PTPRG: variants seen among roughly 807,000 people sequenced by gnomAD.
PTPRG encodes protein tyrosine phosphatase receptor type G.
A neutral mutation model predicts 165.3 loss-of-function variants in PTPRG; 102 were observed. The observed-to-expected ratio is 0.62, with a 90% CI of 0.53 to 0.73. The LOEUF is 0.73. Among genes scored for constraint, PTPRG ranks in the 30% least tolerant of loss-of-function variants. The pLI is 0.00. For missense variants in PTPRG, 1,866 were observed against 1,861.4 expected (o/e 1.00, Z -0.05); for synonymous variants, 675 against 669.5 (o/e 1.01, Z -0.13).
chr3:61,595,802 G>T (rs1420761294), intron 1 of PTPRG, among the ~76,000 whole-genome samples: 1 of 152,156 alleles, frequency 6.6e-6, no homozygotes, highest in Non-Finnish European at 1.5e-5. Flanking sequence ...CAAGGGAAAA[G>T]ATTAGATAAT....
chr3:62,208,540 T>C (rs1221492019), intron 12 of PTPRG, among the ~76,000 whole-genome samples: 1 of 152,160 alleles, frequency 6.6e-6, no homozygotes, highest in Non-Finnish European at 1.5e-5. Context: ...AGTCAGGTGC[T>C]AAGGGGACAT....
intron 2 of PTPRG, among the ~76,000 whole-genome samples, chr3:61,778,436 C>A (rs144250648): frequency 6.6e-6 from 1 of 152,114 alleles, no homozygotes; most frequent in Non-Finnish European, 1.5e-5. Flanking sequence ...GAGATACTTT[C>A]AATTTTCCAT....
At chr3:62,071,246 G>C (rs904415210) in intron 4 of PTPRG, among the ~76,000 whole-genome samples, 4 of 152,140 alleles carry the variant, frequency 2.6e-5, no homozygotes, top group South Asian at 2.1e-4. Context: ...GACCATGTGT[G>C]GGGGGCACGT....
At chr3:61,672,705 C>T (rs1470119167) in intron 1 of PTPRG, among the ~76,000 whole-genome samples, 4 of 123,278 alleles carry the variant, frequency 3.2e-5, no homozygotes, top group Non-Finnish European at 5.1e-5. Flanking sequence ...AGAGGGAGAC[C>T]GTGGAAAGAG....
Position 62,203,348 on chromosome 3 carries a change from G to T in PTPRG, c.1553G>T (p.Gly518Val), listed in dbSNP as rs770692808. The T allele has an allele frequency of 6.8e-6, 11 of 1,613,294 alleles. No individual in the cohort carries two copies. The highest frequency in any genetic ancestry group is 2.2e-5 in the East Asian group (1 of 44,836). Reference sequence around the variant, plus strand: ...GTGGTCACCAGCACGCTGCTCGCCGGCCTGGGGTTCGGCGGTGGTGGCATC... The same window carrying T: ...GTGGTCACCAGCACGCTGCTCGCCGTCCTGGGGTTCGGCGGTGGTGGCATC... The part of the protein sequence containing the change: ...ASVVTSTLLA[G>V]LGFGGGGISS... The change falls in exon 12 of 30, where the codon GGC becomes GTC. Residue 518 changes from glycine to valine, a missense_variant. Coordinates refer to ENST00000474889, the MANE Select transcript of PTPRG (RefSeq NM_002841.4). The surrounding 1 kb of genome is among the most constrained non-coding windows in gnomAD (Gnocchi z 6.4).
At chr3:61,649,990 C>T (rs147729306) in intron 1 of PTPRG, among the ~76,000 whole-genome samples, 1,708 of 152,258 alleles carry the variant, frequency 0.011, 27 homozygotes, top group African/African-American at 0.039. Context: ...ATAAACAGGG[C>T]ACTGAGTTTT....
chr3:62,064,123 A>T (rs1700916867), intron 4 of PTPRG, among the ~76,000 whole-genome samples: 1 of 129,182 alleles, frequency 7.7e-6, no homozygotes, highest in South Asian at 2.4e-4. Context: ...TGCTCATTTC[A>T]AGGGAGACTT....
chr3:61,594,270 C>A (rs540708329), intron 1 of PTPRG, among the ~76,000 whole-genome samples: 1 of 151,834 alleles, frequency 6.6e-6, no homozygotes, highest in Non-Finnish European at 1.5e-5. Context: ...AGGAGGGCGC[C>A]GGGTGGATTA....
intron 4 of PTPRG, among the ~76,000 whole-genome samples, chr3:62,055,811 C>G (rs571638853): frequency 6.6e-6 from 1 of 152,264 alleles, no homozygotes; most frequent in South Asian, 2.1e-4. Flanking sequence ...TCCACATTTC[C>G]CTAATTTTTA....
intron 2 of PTPRG, among the ~76,000 whole-genome samples, chr3:61,983,646 C>G (rs1323632759): frequency 6.6e-6 from 1 of 152,240 alleles, no homozygotes; most frequent in South Asian, 2.1e-4. Flanking sequence ...AAAGAAACCA[C>G]TGTTTGGAAC....
intron 1 of PTPRG, among the ~76,000 whole-genome samples, chr3:61,719,022 C>A (rs956031527): frequency 2.6e-5 from 4 of 152,154 alleles, no homozygotes; most frequent in African/African-American, 7.2e-5. Flanking sequence ...CCAGCCATCA[C>A]CTGGCTCACT....
intron 2 of PTPRG, among the ~76,000 whole-genome samples, chr3:61,885,593 T>C (rs911465626): frequency 4.7e-5 from 7 of 148,406 alleles, no homozygotes; most frequent in Admixed American, 1.4e-4. Context: ...GGTAATGCTA[T>C]ATTGGACAAC....
At chr3:62,031,413 A>G (rs1699766083) in intron 4 of PTPRG, among the ~76,000 whole-genome samples, 1 of 152,222 alleles carries the variant, frequency 6.6e-6, no homozygotes, top group Non-Finnish European at 1.5e-5. Context: ...AGAGAGTGGC[A>G]CATTTGCAGA....
rs939883862 is a variant in PTPRG at position 62,224,050 on chromosome 3, A to G, written c.2288+5067A>G. Among the ~76,000 whole-genome samples the G allele has an allele frequency of 4.6e-5, 7 of 152,180 alleles. No individual in the cohort carries two copies. The highest frequency in any genetic ancestry group is 2.6e-4 in the Admixed American group (4 of 15,276). On this transcript the variant is annotated intron_variant, in intron 13 of 29. Coordinates refer to ENST00000474889, the MANE Select transcript of PTPRG (RefSeq NM_002841.4). The surrounding 1 kb of genome is among the most constrained non-coding windows in gnomAD (Gnocchi z 4.9). Reference sequence around the variant, plus strand: ...GAGCAGAACCACTTTGGGCCAAAAAAGGAAAGGGGTGACTATAATGTTAAT... The same window carrying G: ...GAGCAGAACCACTTTGGGCCAAAAAGGGAAAGGGGTGACTATAATGTTAAT...
At chr3:61,626,261 G>C (rs1004418758) in intron 1 of PTPRG, among the ~76,000 whole-genome samples, 1 of 151,974 alleles carries the variant, frequency 6.6e-6, no homozygotes, top group Admixed American at 6.6e-5. Flanking sequence ...TGTCCATCCT[G>C]ACAGCAGCAA....
chr3:61,972,139 C>G (rs895983906), intron 2 of PTPRG, among the ~76,000 whole-genome samples: 20 of 152,174 alleles, frequency 1.3e-4, no homozygotes, highest in African/African-American at 4.8e-4. Context: ...CAGAATAGGT[C>G]TTATTGATAA....
intron 1 of PTPRG, among the ~76,000 whole-genome samples, chr3:61,648,276 T>C (rs1239262418): frequency 6.6e-6 from 1 of 152,178 alleles, no homozygotes; most frequent in Non-Finnish European, 1.5e-5. Flanking sequence ...ATTCATAAGG[T>C]CTCATGACTG....
chr3:61,581,290 A>T (rs950479527), intron 1 of PTPRG, among the ~76,000 whole-genome samples: 1 of 152,202 alleles, frequency 6.6e-6, no homozygotes, highest in Non-Finnish European at 1.5e-5. Flanking sequence ...ACACCTGTTA[A>T]TTAGTTCCAG....
At chr3:62,073,978 T>C (rs1365822509) in intron 4 of PTPRG, among the ~76,000 whole-genome samples, 3 of 152,216 alleles carry the variant, frequency 2.0e-5, no homozygotes, top group South Asian at 2.1e-4. Flanking sequence ...TGGACTTTAT[T>C]TGGGCACTTG....
Sources: gnomAD v4.1 joint callset for allele counts (sites outside exome capture counted in the v4.1 genomes callset) on GRCh38, gnomAD v4.1.1 for gene constraint, Gnocchi (gnomAD v3.1) non-coding constraint, MANE v1.5 for transcripts, NCBI Gene and HGNC (gene_info 2026-07-23, HGNC 2026-07-21) for gene names.